ZSWIM4: variants seen among roughly 807,000 people sequenced by gnomAD.
ZSWIM4 encodes zinc finger SWIM-type containing 4.
Under a neutral mutation model 102.5 loss-of-function variants are expected in ZSWIM4, and 62 were observed. The observed-to-expected ratio is 0.60, with a 90% CI of 0.49 to 0.75. The LOEUF is 0.75. ZSWIM4 is among the 30% of genes least tolerant of loss of function. The probability of loss-of-function intolerance (pLI) is 0.00; values close to 1 mark genes in which losing one functional copy is unlikely to be tolerated. For synonymous variants in ZSWIM4, 652 were observed against 674.5 expected, an observed-to-expected ratio of 0.97 and a Z score of 0.52; for missense variants, 1,280 against 1,529.6, an observed-to-expected ratio of 0.84 and a Z score of 2.72.
At position 13,825,992 on chromosome 19, in the gene ZSWIM4, A is replaced by C. The variant is rs948547734; in HGVS notation, c.2379+279A>C. Among the ~76,000 whole-genome samples, 9 of 151,432 alleles carry C rather than the reference A, an allele frequency of 5.9e-5. No homozygotes were observed. The highest frequency in any genetic ancestry group is 2.2e-4 in the African/African-American group (9 of 41,148). On this transcript the variant is annotated intron_variant, in intron 12 of 13. Coordinates refer to ENST00000590508, the MANE Select transcript of ZSWIM4 (RefSeq NM_001367834.3). The surrounding 1 kb of genome is among the most constrained non-coding windows in gnomAD (Gnocchi z 4.6). The stretch of plus-strand genomic sequence containing the variant: ...TCCCCTGGGAATGGGGACTGGATGA[A>C]TCGTGTCTCTGGGGATGGGGTCTTC...
At position 13,805,167 on chromosome 19, in the gene ZSWIM4, T is replaced by G. The variant is rs780228500; in HGVS notation, c.712+19T>G. ...GTGAATGGTAAGGGCACCCCGGGGGTCCGGTGGGGAGAGGATGCCCAAGCG... is the reference window on the plus strand; with the variant it reads ...GTGAATGGTAAGGGCACCCCGGGGGGCCGGTGGGGAGAGGATGCCCAAGCG... On this transcript the variant is annotated intron_variant, in intron 3 of 13. Coordinates refer to ENST00000590508, the MANE Select transcript of ZSWIM4 (RefSeq NM_001367834.3). 6.3e-7 allele frequency: 1 copy of G among 1,582,222 alleles called. No homozygotes were observed. The highest frequency in any genetic ancestry group is 8.6e-7 in the Non-Finnish European group (1 of 1,167,352).
Position 13,830,519 on chromosome 19 carries a change from G to C in ZSWIM4, c.2790G>C (p.Glu930Asp), listed in dbSNP as rs543696044. 1.9e-5 allele frequency: 30 copies of C among 1,599,644 alleles called. 1 individual carries two copies. In the South Asian group the frequency reaches 3.1e-4, roughly 16 times the overall value. Residue 930 changes from glutamate to aspartate, a missense_variant, in exon 14 of 14, where the codon GAG becomes GAC. Physicochemically the swap from Glu to Asp is conservative, Grantham distance 45 (BLOSUM62 2). Transcript: ENST00000590508. ...AHLFTVARYM[E>D]HRGLPLRAYK... ...TCTTCACTGTGGCCCGCTATATGGAGCACCGCGGGCTGCCGCTCCGGGCCT... is the reference window on the plus strand; with the variant it reads ...TCTTCACTGTGGCCCGCTATATGGACCACCGCGGGCTGCCGCTCCGGGCCT...
At chr19:13,816,750 G>A (rs993176693) in intron 7 of ZSWIM4, among the ~76,000 whole-genome samples, 1 of 152,202 alleles carries the variant, frequency 6.6e-6, no homozygotes. Flanking sequence ...AGAGTACGTG[G>A]CTTGGAGGAC....
intron 7 of ZSWIM4, 25 bp downstream of exon 7, chr19:13,814,890 C>T (rs1975226829): frequency 8.3e-7 from 1 of 1,200,802 alleles, no homozygotes; most frequent in Non-Finnish European, 1.1e-6. Flanking sequence ...GGCACGGGGG[C>T]TCGCACCTGT....
At chr19:13,798,048 A>G (rs1974658184) in intron 1 of ZSWIM4, among the ~76,000 whole-genome samples, 3 of 152,246 alleles carry the variant, frequency 2.0e-5, no homozygotes, top group Admixed American at 1.3e-4. Context: ...TGGGTTGGAC[A>G]AGCTCACACT....
In ZSWIM4 at chr19:13,817,723, C is replaced by G. The variant is rs1270006027; in HGVS notation, c.1671C>G (p.Asp557Glu). The change falls in exon 9 of 14, where the codon GAC becomes GAG. Residue 557 changes from aspartate (D) to glutamate (E), a missense_variant and splice_region_variant. Coordinates refer to ENST00000590508, the MANE Select transcript of ZSWIM4 (RefSeq NM_001367834.3). ...CAGCCCTGGCCCTGTCTCCCCCAGA[C>G]TCAGGCCCCGAGAAGCGGAAGGTGG... ...LEEETLTLYP[D>E]SGPEKRKVAY... The G allele has an allele frequency of 1.9e-6, 3 of 1,608,274 alleles. No homozygotes were observed. The Admixed American group carries it at 5.1e-5, about 27-fold the overall frequency.
rs1468050102 is a variant in ZSWIM4, at chr19:13,814,643, G to C, written c.1309G>C (p.Gly437Arg). 3 of 1,264,206 alleles carry C rather than the reference G, an allele frequency of 2.4e-6. No individual in the cohort carries two copies. The highest frequency in any genetic ancestry group is 1.3e-5 in the South Asian group (1 of 78,998). The allele number at this position is 1,264,206 out of a possible 1,614,324, so 78.3% of individuals were successfully genotyped here. ...GAGGATCCTGGCCAGTGACTCCTACGGGCCCAGCCTCACAGGCAGCGTGGG... is the reference window on the plus strand; with the variant it reads ...GAGGATCCTGGCCAGTGACTCCTACCGGCCCAGCCTCACAGGCAGCGTGGG... The part of the protein sequence containing the change: ...LQRILASDSY[G>R]PSLTGSVGGD... Residue 437 changes from glycine to arginine, a missense_variant, in exon 7 of 14, where the codon GGG becomes CGG. Physicochemically the swap from Gly to Arg is moderately radical, Grantham distance 125. Transcript: ENST00000590508.
intron 1 of ZSWIM4, among the ~76,000 whole-genome samples, chr19:13,797,306 C>A (rs1325383999): frequency 6.6e-6 from 1 of 152,184 alleles, no homozygotes; most frequent in African/African-American, 2.4e-5. Context: ...CACTGTATTG[C>A]CCAGAGCCCA....
chr19:13,822,683 A>C (rs1975498006), intron 10 of ZSWIM4, among the ~76,000 whole-genome samples: 1 of 152,148 alleles, frequency 6.6e-6, no homozygotes, highest in Admixed American at 6.6e-5. Flanking sequence ...TGTCTACTAA[A>C]AATACAAAAA....
chr19:13,821,969 C>T (rs1218927997), intron 10 of ZSWIM4, among the ~76,000 whole-genome samples: 1 of 152,070 alleles, frequency 6.6e-6, no homozygotes, highest in East Asian at 1.9e-4. Context: ...ATCTCCTGAC[C>T]TCGTGATCCA....
At chr19:13,804,689 G>A in intron 2 of ZSWIM4, 103 bp from the exon 3 acceptor site, 1 of 888,102 alleles carries the variant, frequency 1.1e-6, no homozygotes, top group Non-Finnish European at 1.7e-6. Flanking sequence ...ACTTGTGCTA[G>A]TGAAGTGACT....
intron 1 of ZSWIM4, among the ~76,000 whole-genome samples, chr19:13,797,386 G>A (rs1974639758): frequency 6.6e-6 from 1 of 152,184 alleles, no homozygotes; most frequent in African/African-American, 2.4e-5. Flanking sequence ...AAGGGAAACT[G>A]AGGAACGACA....
At position 13,808,915 on chromosome 19, in the gene ZSWIM4, G is replaced by C. The variant is rs772295738; in HGVS notation, c.792G>C (p.Gln264His). 6.2e-7 allele frequency: 1 copy of C among 1,612,064 alleles called. No homozygotes were observed. The highest frequency in any genetic ancestry group is 1.1e-5 in the South Asian group (1 of 90,744). The change falls in exon 4 of 14, where the codon CAG (glutamine) becomes CAC (histidine). Residue 264 changes from glutamine to histidine, a missense_variant. Transcript: ENST00000590508. ...WHLDEEQIQE[Q>H]VKQLLSNGGY... is the part of the protein sequence containing the mutation. ...TGGACGAGGAGCAGATCCAGGAGCA[G>C]GTGAAGCAGCTACTGTCCAATGGCG... is the stretch of plus-strand genomic sequence containing the variant.
chr19:13,807,733 AGATGGATGCATG>A (rs1301538210), intron 3 of ZSWIM4, among the ~76,000 whole-genome samples: 6 of 140,962 alleles, frequency 4.3e-5, no homozygotes, highest in African/African-American at 8.5e-5. Context: ...ATGGATGGAC[AGATGGATGCATG>A]GATGGATGCA....
intron 9 of ZSWIM4, among the ~76,000 whole-genome samples, 169 bp downstream of exon 9, chr19:13,818,145 G>T (rs114692043): frequency 0.01 from 1,532 of 151,896 alleles, 21 homozygotes; most frequent in African/African-American, 0.036. Context: ...AAAGGAGAGA[G>T]CCAGCTCTTT....
intron 3 of ZSWIM4, among the ~76,000 whole-genome samples, chr19:13,805,936 A>G (rs1265979616): frequency 2.0e-5 from 3 of 146,860 alleles, no homozygotes; most frequent in Non-Finnish European, 4.5e-5. Flanking sequence ...GCGCCATTGC[A>G]CTCCAGCCTG....
At position 13,825,471 on chromosome 19, in the gene ZSWIM4, G is replaced by C; in HGVS notation, c.2216-79G>C. 6.5e-7 allele frequency: 1 copy of C among 1,527,282 alleles called. No individual in the cohort carries two copies. Among genetic ancestry groups the C allele is most frequent in the Non-Finnish European group, 9.0e-7 (1 of 1,117,134 alleles). 94.6% of individuals were successfully genotyped at this position (1,527,282 alleles called of 1,614,324 possible). ...CATGTGCCCCTGGGTGGAAGGATCT[G>C]TGTGAACAGGTCGGGTGGTGGTCAG... On this transcript the variant is annotated intron_variant, in intron 11 of 13. Transcript: ENST00000590508. The surrounding 1 kb of genome is among the most constrained non-coding windows in gnomAD (Gnocchi z 4.6).
chr19:13,830,294 G>C lies in ZSWIM4; in HGVS notation c.2565G>C (p.Leu855=). The C allele has an allele frequency of 2.5e-6, 4 of 1,613,834 alleles. No homozygotes were observed. The highest frequency in any genetic ancestry group is 3.4e-6 in the Non-Finnish European group (4 of 1,180,022). ...TGACGGGCACCACACACGCCACTCTGCTGCGACTGCAGCTGGACACATCGC... is the reference window on the plus strand; with the variant it reads ...TGACGGGCACCACACACGCCACTCTCCTGCGACTGCAGCTGGACACATCGC... The part of the protein sequence containing the change: ...VAVTGTTHAT[L]LRLQLDTSRR... Residue 855 remains leucine, a synonymous_variant, in exon 14 of 14, where the codon CTG becomes CTC. Transcript: ENST00000590508.
In ZSWIM4 at chr19:13,795,712, G is replaced by A. The variant is rs761230823; in HGVS notation, c.64G>A (p.Gly22Arg). Residue 22 changes from glycine to arginine, a missense_variant, in exon 1 of 14, where the codon GGG (glycine) becomes AGG (arginine). Transcript: ENST00000590508. ...CGCGGGACCCGAGGAGCGCGATGCCGGGGCCGGGGCCGCGCGTGGCCGGGG... is the reference window on the plus strand; with the variant it reads ...CGCGGGACCCGAGGAGCGCGATGCCAGGGCCGGGGCCGCGCGTGGCCGGGG... ...CPAGPEERDA[G>R]AGAARGRGRP... The A allele has an allele frequency of 2.9e-5, 35 of 1,194,732 alleles. No individual in the cohort carries two copies. The highest frequency in any genetic ancestry group is 3.6e-5 in the Non-Finnish European group (35 of 959,258). 74.0% of individuals were successfully genotyped at this position (1,194,732 alleles called of 1,614,324 possible). A position where few individuals can be genotyped will look rare whatever the true frequency, so the allele number is the denominator to read the frequency against.
Sources: gnomAD v4.1 joint callset for allele counts (sites outside exome capture counted in the v4.1 genomes callset) on GRCh38, gnomAD v4.1.1 for gene constraint, Gnocchi (gnomAD v3.1) non-coding constraint, MANE v1.5 for transcripts, NCBI Gene and HGNC (gene_info 2026-07-23, HGNC 2026-07-21) for gene names.